The following ELK4 variants were observed in gnomAD, a reference collection of about 807,000 sequenced individuals.
ELK4 encodes ETS transcription factor ELK4, also known as ETS domain-containing protein Elk-4.
ELK4 carries 16 observed loss-of-function variants against 29.6 expected under a neutral mutation model. That is an observed-to-expected ratio of 0.54 (90% CI 0.37 to 0.82). ELK4 has a LOEUF of 0.82. ELK4 is among the 40% of genes least tolerant of loss of function. ELK4 has a pLI of 0.00. For missense variants in ELK4, 465 were observed against 507.1 expected (o/e 0.92, Z 0.80); for synonymous variants, 213 against 191.1 (o/e 1.11, Z -0.95).
Position 205,608,264 on chromosome 1 carries a change from C to A in ELK4, c.*8282G>T. 1 of 180,730 alleles carries A rather than the reference C, an allele frequency of 5.5e-6. No homozygotes were observed. Among genetic ancestry groups the A allele is most frequent in the Non-Finnish European group, 1.2e-5 (1 of 85,186 alleles). 11.2% of individuals were successfully genotyped at this position (180,730 alleles called of 1,614,324 possible). On this transcript the variant is annotated 3_prime_UTR_variant, in exon 5 of 5. Transcript: ENST00000357992. ...ACCCCTTACTATGTCTGGAGATGCACTGAGTATCAACTACACATTTTTTTT... is the reference window on the plus strand; with the variant it reads ...ACCCCTTACTATGTCTGGAGATGCAATGAGTATCAACTACACATTTTTTTT...
intron 1 of ELK4, among the ~76,000 whole-genome samples, chr1:205,624,961 A>G (rs1670424426): frequency 6.6e-6 from 1 of 152,218 alleles, no homozygotes. Context: ...AGAATTCTTT[A>G]GGGCAGAAAC....
chr1:205,615,228 T>A lies in ELK4; in HGVS notation c.*1318A>T. 1 of 166,164 alleles carries A rather than the reference T, an allele frequency of 6.0e-6. No homozygotes were observed. Among genetic ancestry groups the A allele is most frequent in the Non-Finnish European group, 1.3e-5 (1 of 76,106 alleles). 10.3% of individuals were successfully genotyped at this position (166,164 alleles called of 1,614,324 possible). ...CAACATGGTGAAACCCCGTCTCTAC[T>A]AAAAATACAAAAATTAGCCAGGCGT... On this transcript the variant is annotated 3_prime_UTR_variant, in exon 5 of 5. Transcript: ENST00000357992.
intron 4 of ELK4, among the ~76,000 whole-genome samples, chr1:205,617,033 C>T (rs982624761): frequency 6.6e-6 from 1 of 152,080 alleles, no homozygotes; most frequent in Non-Finnish European, 1.5e-5. Context: ...AAAAAGAGAT[C>T]CAGAAAGGTA....
rs1670132406 is a variant in ELK4 at position 205,610,232 on chromosome 1, G to GA, written c.*6313dup. ...AGCATGACTCACAATCCTTGGAAGGGAAAAGAACCAGAAGGAGCCTTTATG... is the reference window on the plus strand; with the variant it reads ...AGCATGACTCACAATCCTTGGAAGGGAAAAAGAACCAGAAGGAGCCTTTATG... On this transcript the variant is annotated 3_prime_UTR_variant, in exon 5 of 5. Coordinates refer to ENST00000357992, the MANE Select transcript of ELK4 (RefSeq NM_001973.4). The GA allele has an allele frequency of 8.6e-6, 2 of 231,784 alleles. No homozygotes were observed. The highest frequency in any genetic ancestry group is 5.6e-5 in the Admixed American group (1 of 17,742). The allele number at this position is 231,784 out of a possible 1,614,324, so 14.4% of individuals were successfully genotyped here. A position where few individuals can be genotyped will look rare whatever the true frequency, so the allele number is the denominator to read the frequency against.
In ELK4 at chr1:205,620,570, T is replaced by G; in HGVS notation, c.476A>C (p.Asn159Thr). The G allele has an allele frequency of 6.2e-7, 1 of 1,614,138 alleles. No homozygotes were observed. Among genetic ancestry groups the G allele is most frequent in the Non-Finnish European group, 8.5e-7 (1 of 1,180,032 alleles). Residue 159 changes from asparagine (N) to threonine (T), a missense_variant, in exon 3 of 5, where the codon AAT becomes ACT. Transcript: ENST00000357992. The stretch of plus-strand genomic sequence containing the variant: ...CTTTATCAATTTGAAAAGCTTTACA[T>G]TGGAGGAGTTCAAAGAGTTGAGAGT... Reference protein sequence around the residue: ...SFTLNSLNSSNVKLFKLIKTE... With the variant: ...SFTLNSLNSSTVKLFKLIKTE...
At chr1:205,627,202 G>C (rs1670482703) in intron 1 of ELK4, among the ~76,000 whole-genome samples, 1 of 152,054 alleles carries the variant, frequency 6.6e-6, no homozygotes, top group Non-Finnish European at 1.5e-5. Context: ...GTTTCTTTTG[G>C]GGGTGATGAA....
Position 205,620,267 on chromosome 1 carries a change from G to A in ELK4, c.779C>T (p.Pro260Leu). 1 of 1,614,208 alleles carries A rather than the reference G, an allele frequency of 6.2e-7. No homozygotes were observed. Among genetic ancestry groups the A allele is most frequent in the Non-Finnish European group, 8.5e-7 (1 of 1,180,036 alleles). Residue 260 changes from proline to leucine, a missense_variant, in exon 3 of 5, where the codon CCT (proline) becomes CTT (leucine). Pro to Leu is a moderately conservative substitution (Grantham distance 98, BLOSUM62 -3). Around this residue, in one of 2 missense-constraint regions of ELK4, gnomAD observed 385 missense variants for 387.5 expected, o/e 0.99. Transcript: ENST00000357992. ...AGGTGTTCTGGGAGGTTCCTGCAAA[G>A]GGGGTATGGACGAAATGGGTGGTGT... ...ATTPPISSIP[P>L]LQEPPRTPSP...
At chr1:205,631,487 G>C (rs571839453) in intron 1 of ELK4, 145 bp downstream of exon 1, 2 of 149,392 alleles carry the variant, frequency 1.3e-5, no homozygotes, top group South Asian at 4.3e-4. Context: ...GCCGGGGGCG[G>C]ACCCAAGGGG....
In ELK4 at chr1:205,620,138, T is replaced by C. The variant is rs1310740046; in HGVS notation, c.908A>G (p.Gln303Arg). 1.1e-5 allele frequency: 17 copies of C among 1,614,216 alleles called. No individual in the cohort carries two copies. The highest frequency in any genetic ancestry group is 3.3e-4 in the Middle Eastern group (2 of 6,062). ...PENLSLEPKD[Q>R]DSVLLEKDKV... Reference sequence around the variant, plus strand: ...GTCCTTTTCTAGCAAGACTGAATCCTGGTCTTTAGGCTCCAGTGACAAATT... The same window carrying C: ...GTCCTTTTCTAGCAAGACTGAATCCCGGTCTTTAGGCTCCAGTGACAAATT... Residue 303 changes from glutamine (Q) to arginine (R), a missense_variant, in exon 3 of 5, where the codon CAG becomes CGG. Physicochemically the swap from Gln to Arg is conservative, Grantham distance 43. Around this residue, in one of 2 missense-constraint regions of ELK4, gnomAD observed 385 missense variants for 387.5 expected, o/e 0.99. Coordinates refer to ENST00000357992, the MANE Select transcript of ELK4 (RefSeq NM_001973.4).
At chr1:205,625,765 G>A (rs970505971) in intron 1 of ELK4, 6 of 644,046 alleles carry the variant, frequency 9.3e-6, no homozygotes, top group African/African-American at 1.8e-5. Flanking sequence ...TGCAACCTCC[G>A]CCTCCTGGGT....
chr1:205,630,646 C>A (rs1382947879), intron 1 of ELK4, among the ~76,000 whole-genome samples: 1 of 152,170 alleles, frequency 6.6e-6, no homozygotes, highest in African/African-American at 2.4e-5. Flanking sequence ...ACAGTTCTTA[C>A]AATATTCTTA....
rs750123304 is a variant in ELK4 at position 205,620,195 on chromosome 1, G to A, written c.851C>T (p.Ser284Leu). Residue 284 changes from serine (S) to leucine (L), a missense_variant, in exon 3 of 5, where the codon TCA (serine) becomes TTA (leucine). Physicochemically the swap from Ser to Leu is moderately radical, Grantham distance 145. Coordinates refer to ENST00000357992, the MANE Select transcript of ELK4 (RefSeq NM_001973.4). ...SHPDIDTDID[S>L]VASQPMELPE... ...AAGTTCCATTGGCTGAGAAGCCACT[G>A]AATCAATGTCTGTGTCGATGTCTGG... 2.7e-5 allele frequency: 44 copies of A among 1,614,126 alleles called. No individual in the cohort carries two copies. The Admixed American group carries it at 4.7e-4, about 17-fold the overall frequency.
chr1:205,623,605 G>A, intron 2 of ELK4, 71 bp downstream of exon 2: 3 of 1,561,466 alleles, frequency 1.9e-6, no homozygotes, highest in Non-Finnish European at 2.6e-6. Context: ...GTGAGCCACT[G>A]TGCCCAGCCA....
rs1670134809 is a variant in ELK4 at position 205,610,428 on chromosome 1, C to T, written c.*6118G>A. Reference sequence around the variant, plus strand: ...GTCGAATCTCTGTACTTTAGAAATACTGCTTCCAGTATAAACCTCCTCTTT... The same window carrying T: ...GTCGAATCTCTGTACTTTAGAAATATTGCTTCCAGTATAAACCTCCTCTTT... On this transcript the variant is annotated 3_prime_UTR_variant, in exon 5 of 5. Coordinates refer to ENST00000357992, the MANE Select transcript of ELK4 (RefSeq NM_001973.4). The T allele has an allele frequency of 8.7e-6, 2 of 230,516 alleles. No individual in the cohort carries two copies. The highest frequency in any genetic ancestry group is 1.3e-3 in the Middle Eastern group (1 of 770). The allele number at this position is 230,516 out of a possible 1,614,324, so 14.3% of individuals were successfully genotyped here.
Position 205,614,141 on chromosome 1 carries a change from G to C in ELK4, c.*2405C>G, listed in dbSNP as rs1670194872. 9.0e-6 allele frequency: 2 copies of C among 221,664 alleles called. No homozygotes were observed. Among genetic ancestry groups the C allele is most frequent in the Non-Finnish European group, 1.8e-5 (2 of 110,806 alleles). The allele number at this position is 221,664 out of a possible 1,614,324, so 13.7% of individuals were successfully genotyped here. On this transcript the variant is annotated 3_prime_UTR_variant, in exon 5 of 5. Transcript: ENST00000357992. Reference sequence around the variant, plus strand: ...TGTGACAGCCTCACACCTCTGAGAGGCTATAGATTTATGCAAAAAGGACTC... The same window carrying C: ...TGTGACAGCCTCACACCTCTGAGAGCCTATAGATTTATGCAAAAAGGACTC...
rs1341403333 is a variant in ELK4 at position 205,619,092 on chromosome 1, A to G, written c.1081-19T>C. On this transcript the variant is annotated intron_variant, in intron 3 of 4. Coordinates refer to ENST00000357992, the MANE Select transcript of ELK4 (RefSeq NM_001973.4). ...TGGGTGTCTGCAATACACAAAGCAA[A>G]AATATTCACTGACTGACTTACCAGG... 18 of 1,498,220 alleles carry G rather than the reference A, an allele frequency of 1.2e-5. No individual in the cohort carries two copies. The highest frequency in any genetic ancestry group is 1.4e-5 in the Non-Finnish European group (16 of 1,114,870). 92.8% of individuals were successfully genotyped at this position (1,498,220 alleles called of 1,614,324 possible). A position where few individuals can be genotyped will look rare whatever the true frequency, so the allele number is the denominator to read the frequency against.
intron 2 of ELK4, among the ~76,000 whole-genome samples, chr1:205,623,157 CAA>C (rs547986684): frequency 0.01 from 794 of 76,772 alleles, 3 homozygotes; most frequent in East Asian, 0.041. Flanking sequence ...GACTCCGTCT[CAA>C]AAAAAAAAAA....
chr1:205,622,124 G>C (rs1420527595), intron 2 of ELK4, among the ~76,000 whole-genome samples: 8 of 152,160 alleles, frequency 5.3e-5, no homozygotes, highest in Non-Finnish European at 1.0e-4. Flanking sequence ...TGAGGCAGGT[G>C]AATCACTTGA....
chr1:205,627,221 A>T (rs950631759), intron 1 of ELK4, among the ~76,000 whole-genome samples: 1 of 152,176 alleles, frequency 6.6e-6, no homozygotes, highest in Non-Finnish European at 1.5e-5. Flanking sequence ...AAAATATTAT[A>T]AACTTAGGCA....
Sources: allele counts gnomAD v4.1 joint callset (sites outside exome capture counted in the v4.1 genomes callset), GRCh38; gene constraint gnomAD v4.1.1; regional missense constraint gnomAD v4.1.1; transcripts MANE v1.5; gene names NCBI Gene and HGNC (gene_info 2026-07-23, HGNC 2026-07-21).